The following GLRA2 variants were observed in gnomAD, a reference collection of about 807,000 sequenced individuals.
The protein encoded by GLRA2 is glycine receptor subunit alpha-2.
In GLRA2, 11 loss-of-function variants were observed where a neutral mutation model predicts 31.6. The observed-to-expected ratio is 0.35, with a 90% CI of 0.22 to 0.58. The LOEUF (loss-of-function observed/expected upper bound fraction) is 0.58. Ranked by LOEUF, GLRA2 falls within the 20% of genes least tolerant of loss-of-function variation. The probability of loss-of-function intolerance (pLI) is 0.84; values close to 1 mark genes in which losing one functional copy is unlikely to be tolerated. For synonymous variants in GLRA2, 132 were observed against 134.0 expected, an observed-to-expected ratio of 0.99 and a Z score of 0.10; for missense variants, 212 against 351.8, an observed-to-expected ratio of 0.60 and a Z score of 3.18.
intron 8 of GLRA2, among the ~76,000 whole-genome samples, chrX:14,714,616 A>G (rs7056764): frequency 0.021 from 2,290 of 111,673 alleles, 50 homozygotes; most frequent in African/African-American, 0.063. Flanking sequence ...TCCCCTGCCC[A>G]TACATTTTCC....
At chrX:14,530,884 A>C (rs1383178171) in intron 1 of GLRA2, 1 of 694,026 alleles carries the variant, frequency 1.4e-6, no homozygotes, top group Non-Finnish European at 1.8e-6. Context: ...AGAGAGTGGA[A>C]GACTGAGCAG....
intron 2 of GLRA2, among the ~76,000 whole-genome samples, chrX:14,564,022 T>C (rs1410509563): frequency 1.8e-5 from 2 of 108,597 alleles, no homozygotes; most frequent in Admixed American, 1.9e-4. Context: ...GAATAAAGAG[T>C]GGAAAGAATA....
At chrX:14,615,144 T>A (rs370338528) in intron 7 of GLRA2, among the ~76,000 whole-genome samples, 1 of 112,060 alleles carries the variant, frequency 8.9e-6, no homozygotes, top group East Asian at 2.8e-4. Context: ...TTTATCCCTA[T>A]GAGGGCAAGG....
At chrX:14,632,364 T>C (rs1021436987) in intron 7 of GLRA2, among the ~76,000 whole-genome samples, 8 of 111,275 alleles carry the variant, frequency 7.2e-5, no homozygotes, top group African/African-American at 2.6e-4. Context: ...TGTGAATAAA[T>C]TGAATGTGAC....
chrX:14,598,491 G>T (rs1293421823), intron 4 of GLRA2, among the ~76,000 whole-genome samples: 1 of 112,196 alleles, frequency 8.9e-6, no homozygotes, highest in African/African-American at 3.2e-5. Context: ...TGTGAAAATA[G>T]CCCCAGCCAT....
At chrX:14,657,757 C>T (rs1368975703) in intron 7 of GLRA2, among the ~76,000 whole-genome samples, 3 of 111,898 alleles carry the variant, frequency 2.7e-5, no homozygotes, top group African/African-American at 9.7e-5. Context: ...AAATATCAGC[C>T]CTCAAAGGAA....
At chrX:14,683,364 T>G (rs769760935) in intron 7 of GLRA2, among the ~76,000 whole-genome samples, 2 of 112,275 alleles carry the variant, frequency 1.8e-5, no homozygotes, top group South Asian at 7.5e-4. Flanking sequence ...GAGAAGTGTC[T>G]GTTCATGTCC....
chrX:14,676,951 CAACT>C (rs1365708191), intron 7 of GLRA2, among the ~76,000 whole-genome samples: 1 of 111,573 alleles, frequency 9.0e-6, no homozygotes, highest in Non-Finnish European at 1.9e-5. Context: ...AACAACTGAG[CAACT>C]AACCAAATTC....
At chrX:14,570,566 A>T (rs2089868832) in intron 2 of GLRA2, among the ~76,000 whole-genome samples, 1 of 111,581 alleles carries the variant, frequency 9.0e-6, no homozygotes, top group Non-Finnish European at 1.9e-5. Flanking sequence ...TGGCATTTCC[A>T]ACAAACTCCT....
At chrX:14,550,722 A>G (rs1460213533) in intron 2 of GLRA2, among the ~76,000 whole-genome samples, 3 of 112,167 alleles carry the variant, frequency 2.7e-5, no homozygotes. Context: ...ACTTTTCTAA[A>G]AAAAATTTAT....
chrX:14,623,961 T>C (rs1489785197), intron 7 of GLRA2, among the ~76,000 whole-genome samples: 1 of 111,838 alleles, frequency 8.9e-6, no homozygotes, highest in Non-Finnish European at 1.9e-5. Context: ...AGAATTCGGC[T>C]GTGAATCCAT....
intron 7 of GLRA2, among the ~76,000 whole-genome samples, chrX:14,653,988 G>A (rs959602617): frequency 9.0e-6 from 1 of 111,681 alleles, no homozygotes; most frequent in Non-Finnish European, 1.9e-5. Context: ...AGCCAGGCAT[G>A]GTGGTGTGCC....
intron 8 of GLRA2, among the ~76,000 whole-genome samples, chrX:14,713,107 A>AGC (rs1412015812): frequency 8.9e-6 from 1 of 112,133 alleles, no homozygotes; most frequent in Non-Finnish European, 1.9e-5. Context: ...GAGAAGTTGA[A>AGC]GCACGATAAA....
chrX:14,611,012 C>T (rs1005286606), intron 7 of GLRA2, among the ~76,000 whole-genome samples: 1 of 112,022 alleles, frequency 8.9e-6, no homozygotes, highest in African/African-American at 3.2e-5. Context: ...ATCCTTTTGC[C>T]ACCATTAGGT....
chrX:14,645,387 G>T lies in GLRA2; in HGVS notation c.930+36182G>T, dbSNP rs182397539. 4.4e-3 allele frequency among the ~76,000 whole-genome samples: 496 copies of T among 111,465 alleles called. 2 individuals carry two copies. Among genetic ancestry groups the T allele is most frequent in the Non-Finnish European group, 8.0e-3 (425 of 53,035 alleles). On this transcript the variant is annotated intron_variant, in intron 7 of 8. Coordinates refer to ENST00000218075, the MANE Select transcript of GLRA2 (RefSeq NM_002063.4). ...TCTCCATTCCTCATGGCTGCACATG[G>T]TTCATATTTTTATTGGGTTCTACTT...
the GLRA2 span, among the ~76,000 whole-genome samples, chrX:14,480,600 C>T: frequency 2.7e-5 from 3 of 111,528 alleles, no homozygotes; most frequent in Non-Finnish European, 3.8e-5. Flanking sequence ...TCCCCAGCAC[C>T]ATTTATTGAA....
intron 4 of GLRA2, among the ~76,000 whole-genome samples, chrX:14,583,985 T>C (rs2090053310): frequency 9.0e-6 from 1 of 110,525 alleles, no homozygotes; most frequent in Non-Finnish European, 1.9e-5. Flanking sequence ...TACTTATAAG[T>C]GGGAACTAAG....
intron 8 of GLRA2, among the ~76,000 whole-genome samples, chrX:14,698,681 C>CAAAAAAA (rs749925474): frequency 1.4e-4 from 3 of 21,143 alleles, no homozygotes; most frequent in Non-Finnish European, 1.6e-4. Context: ...CTATCTATCT[C>CAAAAAAA]AAAAAAAAAA....
At chrX:14,632,103 C>A (rs889833276) in intron 7 of GLRA2, among the ~76,000 whole-genome samples, 1 of 104,097 alleles carries the variant, frequency 9.6e-6, no homozygotes, top group Non-Finnish European at 2.0e-5. Context: ...GACCTAGAAA[C>A]TTTCTCTAGA....
Sources: gnomAD v4.1 joint callset for allele counts (sites outside exome capture counted in the v4.1 genomes callset) on GRCh38, gnomAD v4.1.1 for gene constraint, MANE v1.5 for transcripts, NCBI Gene and HGNC (gene_info 2026-07-23, HGNC 2026-07-21) for gene names.